Variants in SASH1 observed in about 807,000 individuals in gnomAD.
SASH1 encodes SAM and SH3 domain-containing protein 1.
In SASH1, 44 loss-of-function variants were observed where a neutral mutation model predicts 125.2. The ratio of observed to expected loss-of-function variants is 0.35; its 90% CI spans 0.28 to 0.45. SASH1 has a LOEUF of 0.45. Among genes scored for constraint, SASH1 ranks in the 20% least tolerant of loss-of-function variants. The probability of loss-of-function intolerance (pLI) is 1.00; values close to 1 mark genes in which losing one functional copy is unlikely to be tolerated. For synonymous variants in SASH1, 639 were observed against 649.1 expected, an observed-to-expected ratio of 0.98 and a Z score of 0.24; for missense variants, 1,426 against 1,614.5, an observed-to-expected ratio of 0.88 and a Z score of 2.00.
chr6:148,421,122 G>A (rs1461103400), intron 2 of SASH1, among the ~76,000 whole-genome samples: 1 of 87,240 alleles, frequency 1.1e-5, no homozygotes, highest in Non-Finnish European at 2.4e-5. Context: ...GAAAAGAAAG[G>A]AAGAAAGGAA....
intron 16 of SASH1, among the ~76,000 whole-genome samples, chr6:148,536,525 A>C (rs1418508809): frequency 6.6e-6 from 1 of 152,152 alleles, no homozygotes; most frequent in African/African-American, 2.4e-5. Flanking sequence ...TTTTTAGTAG[A>C]GACGGGGTTT....
At chr6:148,215,649 G>A in the SASH1 span, among the ~76,000 whole-genome samples, 1 of 152,044 alleles carries the variant, frequency 6.6e-6, no homozygotes, top group Non-Finnish European at 1.5e-5. Flanking sequence ...CCTCTACGAG[G>A]TATCATAGAA....
chr6:148,338,501 T>C (rs777178277), upstream of SASH1, among the ~76,000 whole-genome samples: 5 of 152,142 alleles, frequency 3.3e-5, no homozygotes, highest in Non-Finnish European at 7.3e-5. Context: ...CTGTGTTCAC[T>C]TGGACTTATC....
At chr6:148,340,477 C>G (rs1235678288), upstream of SASH1, among the ~76,000 whole-genome samples, 1 of 135,586 alleles carries the variant, frequency 7.4e-6, no homozygotes, top group African/African-American at 2.7e-5. Flanking sequence ...GGTGACAGAG[C>G]AAGACTCTGT....
chr6:148,392,403 G>A (rs1380476201), intron 2 of SASH1, among the ~76,000 whole-genome samples: 1 of 151,582 alleles, frequency 6.6e-6, no homozygotes, highest in East Asian at 1.9e-4. Context: ...TAATAATTAA[G>A]TAACTAATTT....
intron 12 of SASH1, among the ~76,000 whole-genome samples, chr6:148,530,944 CAT>C (rs1248024740): frequency 2.0e-5 from 3 of 152,276 alleles, no homozygotes; most frequent in African/African-American, 7.2e-5. Flanking sequence ...TTTAGAGTAA[CAT>C]ATGGAAATTT....
At chr6:148,481,906 GC>G (rs1434552660) in intron 7 of SASH1, among the ~76,000 whole-genome samples, 1 of 152,194 alleles carries the variant, frequency 6.6e-6, no homozygotes, top group Non-Finnish European at 1.5e-5. Flanking sequence ...ATGCAGGGCT[GC>G]CACAAACCTT....
At position 148,546,806 on chromosome 6, in the gene SASH1, G is replaced by A. The variant is rs577491785; in HGVS notation, c.3480+660G>A. ...TGTCTAGTCATTTCTCTGCACATGC[G>A]TAATGTATGCGTAAATGTATAGTAC... On this transcript the variant is annotated intron_variant, in intron 19 of 19. Coordinates refer to ENST00000367467, the MANE Select transcript of SASH1 (RefSeq NM_015278.5). Among the ~76,000 whole-genome samples, 13 of 151,944 alleles carry A rather than the reference G, an allele frequency of 8.6e-5. No individual in the cohort carries two copies. The East Asian group carries it at 1.2e-3, about 14-fold the overall frequency.
chr6:148,473,776 G>A (rs1583216960), intron 6 of SASH1, among the ~76,000 whole-genome samples: 1 of 152,294 alleles, frequency 6.6e-6, no homozygotes, highest in East Asian at 1.9e-4. Flanking sequence ...GTGTAAATTA[G>A]ATCTTTACTC....
chr6:148,281,976 G>A (rs1487758615), intron 1 of SASH1, among the ~76,000 whole-genome samples: 1 of 151,970 alleles, frequency 6.6e-6, no homozygotes, highest in African/African-American at 2.4e-5. Flanking sequence ...AAAAAATAAT[G>A]AGAAAAGAAA....
At chr6:148,461,285 G>T (rs1777602276) in intron 4 of SASH1, among the ~76,000 whole-genome samples, 1 of 152,126 alleles carries the variant, frequency 6.6e-6, no homozygotes, top group African/African-American at 2.4e-5. Context: ...CACCTGCCTT[G>T]TTCATTTATA....
intron 1 of SASH1, among the ~76,000 whole-genome samples, chr6:148,326,323 C>CATAT (rs56276306): frequency 0.022 from 217 of 9,800 alleles, 29 homozygotes; most frequent in Middle Eastern, 0.1. Flanking sequence ...CCACCGCATG[C>CATAT]ATATATATAT....
At chr6:148,409,656 C>T (rs1459613941) in intron 2 of SASH1, among the ~76,000 whole-genome samples, 1 of 152,214 alleles carries the variant, frequency 6.6e-6, no homozygotes, top group Non-Finnish European at 1.5e-5. Flanking sequence ...GTGACCAATT[C>T]TGGGCGTGGT....
chr6:148,514,581 T>G (rs1320170934), intron 9 of SASH1, 125 bp downstream of exon 9: 1 of 1,151,094 alleles, frequency 8.7e-7, no homozygotes, highest in Middle Eastern at 3.1e-4. Context: ...TGCATTGAGC[T>G]CTGGCTGAAT....
intron 17 of SASH1, among the ~76,000 whole-genome samples, chr6:148,543,311 C>G (rs1308871683): frequency 1.3e-5 from 2 of 152,168 alleles, no homozygotes; most frequent in African/African-American, 4.8e-5. Context: ...AGAAATTGTA[C>G]TCACCCAACA....
chr6:148,523,286 G>A (rs891914228), intron 10 of SASH1, among the ~76,000 whole-genome samples: 1 of 152,176 alleles, frequency 6.6e-6, no homozygotes, highest in Non-Finnish European at 1.5e-5. Context: ...AAAGGAACTA[G>A]AATAAAATCA....
At chr6:148,481,822 A>G (rs1024325476) in intron 7 of SASH1, among the ~76,000 whole-genome samples, 5 of 152,184 alleles carry the variant, frequency 3.3e-5, no homozygotes, top group African/African-American at 1.2e-4. Flanking sequence ...TACTGTAGGA[A>G]TTGCCAAAAT....
At chr6:148,365,723 C>T (rs898431171) in intron 1 of SASH1, among the ~76,000 whole-genome samples, 1 of 151,856 alleles carries the variant, frequency 6.6e-6, no homozygotes, top group African/African-American at 2.4e-5. Flanking sequence ...CCCTATAATC[C>T]CAGCCCTTTG....
At chr6:148,314,077 A>C (rs1420629659) in intron 1 of SASH1, among the ~76,000 whole-genome samples, 1 of 151,824 alleles carries the variant, frequency 6.6e-6, no homozygotes, top group Non-Finnish European at 1.5e-5. Flanking sequence ...GAGAGAAAAC[A>C]AAAAGGAGTG....
Sources: allele counts gnomAD v4.1 joint callset (sites outside exome capture counted in the v4.1 genomes callset), GRCh38; gene constraint gnomAD v4.1.1; transcripts MANE v1.5; gene names NCBI Gene and HGNC (gene_info 2026-07-23, HGNC 2026-07-21).